Variants in CSMD1 observed in about 807,000 individuals in gnomAD.
CSMD1 encodes the protein CUB and Sushi multiple domains 1, also known as CUB and sushi domain-containing protein 1.
A neutral mutation model predicts 417.5 loss-of-function variants in CSMD1; 213 were observed. That is an observed-to-expected ratio of 0.51 (90% CI 0.46 to 0.57). The LOEUF is 0.57. CSMD1 is among the 20% of genes least tolerant of loss of function. The pLI, the probability that CSMD1 is intolerant of heterozygous loss-of-function variation, is 0.00. For missense variants in CSMD1, 6,923 were observed against 4,529.7 expected, an observed-to-expected ratio of 1.53 and a Z score of -15.17; for synonymous variants, 2,862 against 1,736.8, an observed-to-expected ratio of 1.65 and a Z score of -16.11.
At chr8:4,918,243 C>CCCT (rs1205963804) in intron 1 of CSMD1, among the ~76,000 whole-genome samples, 1 of 152,154 alleles carries the variant, frequency 6.6e-6, no homozygotes, top group East Asian at 1.9e-4. Context: ...ACTCAAGGCC[C>CCCT]CCTCCATGTG....
At chr8:3,500,702 T>C (rs779769174) in intron 10 of CSMD1, among the ~76,000 whole-genome samples, 1 of 152,146 alleles carries the variant, frequency 6.6e-6, no homozygotes, top group Non-Finnish European at 1.5e-5. Flanking sequence ...AGAATGTGAA[T>C]TAGATGAGCT....
At chr8:3,314,157 T>C (rs185577868) in intron 23 of CSMD1, among the ~76,000 whole-genome samples, 80 of 152,180 alleles carry the variant, frequency 5.3e-4, no homozygotes, top group African/African-American at 1.9e-3. Flanking sequence ...CATTAGGAGA[T>C]ATACCTAATG....
intron 1 of CSMD1, among the ~76,000 whole-genome samples, chr8:4,976,676 A>T (rs1437609690): frequency 6.6e-6 from 1 of 152,124 alleles, no homozygotes; most frequent in African/African-American, 2.4e-5. Flanking sequence ...ATGAGAAGGT[A>T]TTTTACTCCA....
At chr8:4,659,541 GTCACAGACAGTACAATT>G (rs1423998370) in intron 1 of CSMD1, among the ~76,000 whole-genome samples, 3 of 152,110 alleles carry the variant, frequency 2.0e-5, no homozygotes, top group Non-Finnish European at 4.4e-5. Flanking sequence ...GGCACAAAAT[GTCACAGACAGTACAATT>G]TCACACATAT....
chr8:4,330,793 A>C (rs186092168), intron 3 of CSMD1, among the ~76,000 whole-genome samples: 4 of 151,666 alleles, frequency 2.6e-5, no homozygotes, highest in African/African-American at 9.7e-5. Flanking sequence ...TTCTTTCCCT[A>C]TCTATCTTCT....
intron 6 of CSMD1, among the ~76,000 whole-genome samples, chr8:3,731,066 C>T (rs73187238): frequency 0.15 from 23,550 of 152,126 alleles, 1,902 homozygotes; most frequent in East Asian, 0.25. Context: ...ATTTTTCCTA[C>T]GTCCTTATAC....
intron 3 of CSMD1, among the ~76,000 whole-genome samples, chr8:4,261,350 T>C (rs1374922612): frequency 1.3e-5 from 2 of 152,126 alleles, no homozygotes; most frequent in East Asian, 3.9e-4. Context: ...ATGTGGAATC[T>C]AAGAACATCT....
At chr8:3,503,346 T>C (rs1436047012) in intron 10 of CSMD1, among the ~76,000 whole-genome samples, 1 of 152,368 alleles carries the variant, frequency 6.6e-6, no homozygotes, top group East Asian at 1.9e-4. Context: ...TCACACATTA[T>C]TTCAAATGTA....
At chr8:4,539,261 C>G (rs538673069) in intron 2 of CSMD1, among the ~76,000 whole-genome samples, 1 of 152,252 alleles carries the variant, frequency 6.6e-6, no homozygotes, top group East Asian at 1.9e-4. Context: ...CTTTCATATG[C>G]AGTATTTCTG....
chr8:4,084,314 A>G (rs1274628557), intron 3 of CSMD1, among the ~76,000 whole-genome samples: 1 of 132,390 alleles, frequency 7.6e-6, no homozygotes, highest in African/African-American at 2.7e-5. Context: ...GTGACAAAAA[A>G]TATTGGTTTG....
chr8:4,198,431 A>T (rs370903247), intron 3 of CSMD1, among the ~76,000 whole-genome samples: 69 of 152,352 alleles, frequency 4.5e-4, no homozygotes, highest in Middle Eastern at 6.8e-3. Flanking sequence ...TAGATAAGCC[A>T]TACCTGTGGT....
chr8:4,816,905 C>T (rs1799239793), intron 1 of CSMD1, among the ~76,000 whole-genome samples: 1 of 152,050 alleles, frequency 6.6e-6, no homozygotes, highest in African/African-American at 2.4e-5. Context: ...AGGTTTGGAG[C>T]ATAACAATCA....
At chr8:2,981,050 T>C (rs538308693) in intron 54 of CSMD1, among the ~76,000 whole-genome samples, 74 of 152,356 alleles carry the variant, frequency 4.9e-4, no homozygotes, top group African/African-American at 1.7e-3. Flanking sequence ...TCTTTCTTTA[T>C]GTTCCTTCCT....
intron 5 of CSMD1, among the ~76,000 whole-genome samples, chr8:3,954,196 C>G (rs918272098): frequency 6.6e-6 from 1 of 152,122 alleles, no homozygotes; most frequent in Non-Finnish European, 1.5e-5. Context: ...AGGAATTTGA[C>G]TGAGGGGCAT....
In CSMD1 at chr8:3,932,275, G is replaced by C. The variant is rs866465610; in HGVS notation, c.818+65628C>G. Among the ~76,000 whole-genome samples the C allele has an allele frequency of 3.3e-4, 49 of 150,578 alleles. 1 individual carries two copies. Among genetic ancestry groups the C allele is most frequent in the Middle Eastern group, 6.3e-3 (2 of 316 alleles). On this transcript the variant is annotated intron_variant, in intron 5 of 69. Coordinates refer to ENST00000635120, the MANE Select transcript of CSMD1 (RefSeq NM_033225.6). ...ATCGACGAAAGTAATAGTTGGTTGA[G>C]AATTCTCAAGAAGTTTTGTTGCTCA...
At chr8:4,981,063 C>T (rs997515376) in intron 1 of CSMD1, among the ~76,000 whole-genome samples, 1 of 152,202 alleles carries the variant, frequency 6.6e-6, no homozygotes, top group African/African-American at 2.4e-5. Context: ...CAAGCGTGAA[C>T]ACCATGATGC....
intron 1 of CSMD1, among the ~76,000 whole-genome samples, chr8:4,792,334 G>A (rs147210072): frequency 3.3e-5 from 5 of 152,178 alleles, no homozygotes; most frequent in African/African-American, 4.8e-5. Flanking sequence ...AAGTAGTCCA[G>A]TAGCAAGAAG....
chr8:4,040,923 G>C (rs376091515), intron 3 of CSMD1, among the ~76,000 whole-genome samples: 1 of 151,662 alleles, frequency 6.6e-6, no homozygotes, highest in Admixed American at 6.6e-5. Flanking sequence ...ATTTGCTAGT[G>C]TGAATTATTA....
At chr8:4,825,772 T>C (rs1310255848) in intron 1 of CSMD1, among the ~76,000 whole-genome samples, 3 of 140,332 alleles carry the variant, frequency 2.1e-5, no homozygotes, top group Non-Finnish European at 4.6e-5. Context: ...ATGAAGCTTC[T>C]ACAAATCAAA....
Sources: allele counts gnomAD v4.1 joint callset (sites outside exome capture counted in the v4.1 genomes callset), GRCh38; gene constraint gnomAD v4.1.1; transcripts MANE v1.5; gene names NCBI Gene and HGNC (gene_info 2026-07-23, HGNC 2026-07-21).